The following MXD3 variants were observed in gnomAD, a reference collection of about 807,000 sequenced individuals.
The protein encoded by MXD3 is MAX dimerization protein 3, also known as Max-associated protein 3.
Under a neutral mutation model 27.5 loss-of-function variants are expected in MXD3, and 20 were observed. That is an observed-to-expected ratio of 0.73 (90% CI 0.51 to 1.06). The LOEUF is 1.06. Ranked by LOEUF, MXD3 falls within the 50% of genes least tolerant of loss-of-function variation. MXD3 has a pLI of 0.00. For synonymous variants in MXD3, 150 were observed against 130.7 expected (o/e 1.15, Z -1.01); for missense variants, 298 against 291.3 (o/e 1.02, Z -0.17).
intron 2 of MXD3, chr5:177,311,045 C>G: frequency 1.8e-6 from 1 of 558,236 alleles, no homozygotes; most frequent in Non-Finnish European, 3.2e-6. Flanking sequence ...GAGGGAACAG[C>G]ATATGCAAAG....
At chr5:177,308,017 C>A in intron 4 of MXD3, 53 bp from the exon 5 acceptor site, 1 of 1,445,212 alleles carries the variant, frequency 6.9e-7, no homozygotes, top group Non-Finnish European at 9.2e-7. Context: ...GGGGCTTGGG[C>A]TGCACCCCAG....
intron 2 of MXD3, 161 bp from the exon 3 acceptor site, chr5:177,310,858 G>C (rs1451235412): frequency 1.3e-6 from 1 of 781,360 alleles, no homozygotes; most frequent in East Asian, 2.7e-5. Context: ...CCCTGGCAGG[G>C]CGAGGGGAGT....
In MXD3 at chr5:177,310,471, C is replaced by T. The variant is rs773714708; in HGVS notation, c.276G>A (p.Arg92=). ...GGCGCAGCAGGCTCAGCGTGGTGTA[C>T]CGGGCACAGTCGGCCCCCAGGGGCA... is the stretch of plus-strand genomic sequence containing the variant. The part of the protein sequence containing the change: ...QQMPLGADCA[R]YTTLSLLRRA... The change falls in exon 4 of 6, where the codon CGG becomes CGA. Residue 92 remains arginine, a synonymous_variant. Coordinates refer to ENST00000439742, the MANE Select transcript of MXD3 (RefSeq NM_031300.4). 14 of 1,613,112 alleles carry T rather than the reference C, an allele frequency of 8.7e-6. No homozygotes were observed. Among genetic ancestry groups the T allele is most frequent in the Non-Finnish European group, 1.1e-5 (13 of 1,179,786 alleles).
chr5:177,309,671 G>C (rs540203166), intron 4 of MXD3, among the ~76,000 whole-genome samples: 99 of 152,376 alleles, frequency 6.5e-4, no homozygotes, highest in African/African-American at 2.4e-3. Context: ...ACTTGTCAGA[G>C]GAGATAACGC....
chr5:177,311,388 T>G lies in MXD3; in HGVS notation c.167A>C (p.Asp56Ala). ...KRPPQAPGAQ[D>A]SGRSVHNELE... ...CCCCCGGCCTCCTCACCGCCCGCTG[T>G]CCTGCGCGCCAGGAGCCTGGGGGGG... Residue 56 changes from aspartate to alanine, a missense_variant, in exon 2 of 6, where the codon GAC becomes GCC. Asp to Ala is a moderately radical substitution (Grantham distance 126). Coordinates refer to ENST00000439742, the MANE Select transcript of MXD3 (RefSeq NM_031300.4). 7.0e-7 allele frequency: 1 copy of G among 1,438,834 alleles called. No individual in the cohort carries two copies. The highest frequency in any genetic ancestry group is 3.0e-5 in the East Asian group (1 of 33,522). The allele number at this position is 1,438,834 out of a possible 1,614,324, so 89.1% of individuals were successfully genotyped here. A position where few individuals can be genotyped will look rare whatever the true frequency, so the allele number is the denominator to read the frequency against.
intron 4 of MXD3, among the ~76,000 whole-genome samples, chr5:177,309,996 T>A (rs2127302238): frequency 6.6e-6 from 1 of 152,230 alleles, no homozygotes; most frequent in African/African-American, 2.4e-5. Context: ...AGACTGCCCA[T>A]AACAGGAGGC....
upstream of MXD3, chr5:177,311,947 C>A: frequency 1.1e-5 from 13 of 1,215,334 alleles, no homozygotes; most frequent in Non-Finnish European, 1.4e-5. Context: ...GCCCCGCCCC[C>A]GGGACGCCCC....
At chr5:177,307,116 G>A, downstream of MXD3, 1 of 1,510,334 alleles carries the variant, frequency 6.6e-7, no homozygotes, top group Non-Finnish European at 8.9e-7. Context: ...ACGGCCAACA[G>A]TGTCAGTGAT....
chr5:177,311,049 T>C (rs1422636617), intron 2 of MXD3: 3 of 553,258 alleles, frequency 5.4e-6, no homozygotes, highest in Non-Finnish European at 9.6e-6. Context: ...GAACAGCATA[T>C]GCAAAGGGCT....
chr5:177,306,841 G>C, downstream of MXD3: 1 of 728,864 alleles, frequency 1.4e-6, no homozygotes, highest in Non-Finnish European at 2.2e-6. Context: ...TTAACTGGCG[G>C]TAAGTGCTAG....
downstream of MXD3, chr5:177,306,652 T>C: frequency 6.6e-7 from 1 of 1,524,018 alleles, no homozygotes; most frequent in Non-Finnish European, 8.9e-7. Flanking sequence ...TCATTAAAAA[T>C]CAACTTCCAG....
At chr5:177,307,193 A>C, downstream of MXD3, 1 of 1,551,396 alleles carries the variant, frequency 6.4e-7, no homozygotes. Flanking sequence ...TCATTAGGCA[A>C]GACTATGGAC....
At chr5:177,312,007 G>A (rs1761051745), upstream of MXD3, 1 of 1,278,328 alleles carries the variant, frequency 7.8e-7, no homozygotes, top group Non-Finnish European at 9.9e-7. Context: ...AACCCGCCAC[G>A]GAGCCGCAGC....
intron 2 of MXD3, 156 bp from the exon 3 acceptor site, chr5:177,310,853 G>A: frequency 2.5e-6 from 2 of 812,534 alleles, no homozygotes; most frequent in Non-Finnish European, 4.0e-6. Context: ...GAGTCCCCTG[G>A]CAGGGCGAGG....
downstream of MXD3, chr5:177,306,296 TG>T: frequency 6.4e-7 from 1 of 1,560,050 alleles, no homozygotes; most frequent in South Asian, 1.1e-5. Flanking sequence ...GTACTGGGGG[TG>T]GGAGGAGGGT....
chr5:177,311,860 A>C lies in MXD3; in HGVS notation c.-30T>G, dbSNP rs759472707. On this transcript the variant is annotated 5_prime_UTR_variant, in exon 1 of 6. Transcript: ENST00000439742. ...GCGACAGCTGGCGGCGGGCCGGCCT[A>C]GGGTGCCGGCCGGAGCAAGCGGCTG... 1.9e-6 allele frequency: 3 copies of C among 1,603,610 alleles called. No individual in the cohort carries two copies. Among genetic ancestry groups the C allele is most frequent in the Non-Finnish European group, 2.6e-6 (3 of 1,175,076 alleles).
chr5:177,305,707 T>C (rs1459890550), downstream of MXD3: 3 of 633,840 alleles, frequency 4.7e-6, no homozygotes, highest in Admixed American at 2.7e-5. Flanking sequence ...AACGACCTTA[T>C]TTATGGCTTC....
chr5:177,307,340 C>T lies in MXD3; in HGVS notation c.*248G>A. 1 of 1,538,852 alleles carries T rather than the reference C, an allele frequency of 6.5e-7. No individual in the cohort carries two copies. Among genetic ancestry groups the T allele is most frequent in the Non-Finnish European group, 8.8e-7 (1 of 1,137,502 alleles). On this transcript the variant is annotated 3_prime_UTR_variant, in exon 6 of 6. Transcript: ENST00000439742. The stretch of plus-strand genomic sequence containing the variant: ...GGGGCAGCAGAGCCAAATGCTTGGG[C>T]TCGGGCCCAAGCTGCCTGCCCTGCA...
chr5:177,306,114 G>A (rs555396821), downstream of MXD3: 17 of 1,613,492 alleles, frequency 1.1e-5, no homozygotes, highest in South Asian at 8.8e-5. Flanking sequence ...GGTCTTGCCC[G>A]ATTCAAAAGC....
Sources: gnomAD v4.1 joint callset for allele counts (sites outside exome capture counted in the v4.1 genomes callset) on GRCh38, gnomAD v4.1.1 for gene constraint, MANE v1.5 for transcripts, NCBI Gene and HGNC (gene_info 2026-07-23, HGNC 2026-07-21) for gene names.